The following GREB1L variants were observed in gnomAD, a reference collection of about 807,000 sequenced individuals.
The protein encoded by GREB1L is GREB1-like protein.
GREB1L carries 17 observed loss-of-function variants against 200.8 expected under a neutral mutation model. The ratio of observed to expected loss-of-function variants is 0.08; its 90% CI spans 0.06 to 0.13. The LOEUF (loss-of-function observed/expected upper bound fraction) is 0.13. Among genes scored for constraint, GREB1L ranks in the 10% least tolerant of loss-of-function variants. GREB1L has a pLI of 1.00. For synonymous variants in GREB1L, 789 were observed against 893.0 expected (o/e 0.88, Z 2.08); for missense variants, 1,657 against 2,367.7 (o/e 0.70, Z 6.23).
At chr18:21,371,597 C>T (rs1317790798) in intron 2 of GREB1L, among the ~76,000 whole-genome samples, 1 of 151,552 alleles carries the variant, frequency 6.6e-6, no homozygotes, top group Non-Finnish European at 1.5e-5. Flanking sequence ...ACCATCCTGG[C>T]TTACATGGTG....
At chr18:21,423,949 T>G (rs2032366554) in intron 7 of GREB1L, among the ~76,000 whole-genome samples, 1 of 152,222 alleles carries the variant, frequency 6.6e-6, no homozygotes, top group Non-Finnish European at 1.5e-5. Context: ...TTATACGTTC[T>G]TGCACTTCTG....
At chr18:21,359,455 AAAAT>A (rs1017943502) in intron 1 of GREB1L, among the ~76,000 whole-genome samples, 3 of 152,234 alleles carry the variant, frequency 2.0e-5, no homozygotes, top group East Asian at 1.9e-4. Flanking sequence ...ATCTCAAAAA[AAAAT>A]AAATAAATAA....
At position 21,481,855 on chromosome 18, in the gene GREB1L, TCCA is replaced by T. The variant is rs2035935232; in HGVS notation, c.2557-3760_2557-3758del. The stretch of plus-strand genomic sequence containing the variant: ...CTGTGTGTGTGTTACATTATATGAC[TCCA>T]CCACAATTCATGTATCCATCCTATT... On this transcript the variant is annotated intron_variant, in intron 17 of 32. Coordinates refer to ENST00000424526, the MANE Select transcript of GREB1L (RefSeq NM_001142966.3). Among the ~76,000 whole-genome samples, 6 of 152,324 alleles carry T rather than the reference TCCA, an allele frequency of 3.9e-5. 1 individual carries two copies. In the South Asian group the frequency reaches 1.2e-3, roughly 32 times the overall value.
chr18:21,508,717 A>C (rs1180432901), intron 27 of GREB1L, 126 bp downstream of exon 27: 1 of 573,344 alleles, frequency 1.7e-6, no homozygotes, highest in Admixed American at 3.6e-5. Context: ...ACTCTTCGGA[A>C]AAAAAAAAAA....
chr18:21,255,273 A>G (rs2037783722), intron 1 of GREB1L, among the ~76,000 whole-genome samples: 1 of 152,148 alleles, frequency 6.6e-6, no homozygotes, highest in South Asian at 2.1e-4. Flanking sequence ...TCACTTTCTT[A>G]GAAAGTTCTC....
intron 1 of GREB1L, among the ~76,000 whole-genome samples, chr18:21,360,069 T>C (rs1444407318): frequency 1.3e-5 from 2 of 152,216 alleles, no homozygotes; most frequent in African/African-American, 4.8e-5. Context: ...ATGGAAGAAA[T>C]ATAACTTTTA....
intron 15 of GREB1L, chr18:21,469,014 TG>T: frequency 3.9e-6 from 1 of 256,306 alleles, no homozygotes; most frequent in Non-Finnish European, 7.8e-6. Flanking sequence ...AAGGTATGTC[TG>T]CCAAGTTTCT....
chr18:21,305,102 A>T (rs1262039709), intron 1 of GREB1L, among the ~76,000 whole-genome samples: 1 of 151,826 alleles, frequency 6.6e-6, no homozygotes, highest in Admixed American at 6.6e-5. Context: ...CAGCCTCCCG[A>T]GTAGCTGGGA....
intron 1 of GREB1L, among the ~76,000 whole-genome samples, chr18:21,243,927 C>T (rs1422601301): frequency 6.6e-6 from 1 of 152,192 alleles, no homozygotes; most frequent in Non-Finnish European, 1.5e-5. Flanking sequence ...CTTCATCCTT[C>T]TCAGAGGCAG....
rs543665108 is a variant in GREB1L, at chr18:21,400,979, A to C, written c.533-171A>C. Among the ~76,000 whole-genome samples, 4 of 152,290 alleles carry C rather than the reference A, an allele frequency of 2.6e-5. No homozygotes were observed. The South Asian group carries it at 8.3e-4, about 32-fold the overall frequency. On this transcript the variant is annotated intron_variant, in intron 5 of 32. Transcript: ENST00000424526. Reference sequence around the variant, plus strand: ...ATTATTTCCAGTCTTTCACTGTTATAAAATAACTCTGCTAAAGAAACATGT... The same window carrying C: ...ATTATTTCCAGTCTTTCACTGTTATCAAATAACTCTGCTAAAGAAACATGT...
At chr18:21,350,584 GTTGAGTTGGCATA>G (rs1490674111) in intron 1 of GREB1L, among the ~76,000 whole-genome samples, 2 of 152,062 alleles carry the variant, frequency 1.3e-5, no homozygotes, top group African/African-American at 4.8e-5. Context: ...TTTTGAACAT[GTTGAGTTGGCATA>G]TTGAGTTTGA....
chr18:21,386,593 CT>C (rs35010034), intron 4 of GREB1L, among the ~76,000 whole-genome samples: 1,405 of 115,096 alleles, frequency 0.012, 4 homozygotes, highest in African/African-American at 0.036. Flanking sequence ...TGGCCAGTAG[CT>C]TTTTTTTTTT....
At chr18:21,398,884 T>C (rs2041194763) in intron 5 of GREB1L, among the ~76,000 whole-genome samples, 1 of 152,140 alleles carries the variant, frequency 6.6e-6, no homozygotes, top group Non-Finnish European at 1.5e-5. Flanking sequence ...GTGGTGTTAT[T>C]TTTTGTTTTC....
intron 23 of GREB1L, among the ~76,000 whole-genome samples, chr18:21,504,801 G>A (rs2036945357): frequency 6.6e-6 from 1 of 152,192 alleles, no homozygotes; most frequent in Non-Finnish European, 1.5e-5. Context: ...GGGACTCAGG[G>A]TTAAGTACAG....
chr18:21,397,852 C>T (rs1354313100), intron 5 of GREB1L, among the ~76,000 whole-genome samples: 1 of 152,180 alleles, frequency 6.6e-6, no homozygotes, highest in East Asian at 1.9e-4. Flanking sequence ...TCAGGATGTA[C>T]TGTGTGACAG....
At chr18:21,458,064 GT>G (rs1456163143) in intron 15 of GREB1L, among the ~76,000 whole-genome samples, 1 of 151,606 alleles carries the variant, frequency 6.6e-6, no homozygotes, top group Non-Finnish European at 1.5e-5. Flanking sequence ...CACCTCCCGG[GT>G]TCAAGCGATT....
chr18:21,489,588 G>A (rs1402787702), intron 18 of GREB1L, among the ~76,000 whole-genome samples: 6 of 152,094 alleles, frequency 3.9e-5, no homozygotes, highest in African/African-American at 1.2e-4. Context: ...TGACTATGCT[G>A]GCAATGAATG....
chr18:21,353,961 T>C (rs2039470236), intron 1 of GREB1L, among the ~76,000 whole-genome samples: 1 of 152,096 alleles, frequency 6.6e-6, no homozygotes, highest in Non-Finnish European at 1.5e-5. Context: ...AATTTTTTTG[T>C]ATTTTTTGGT....
At chr18:21,314,561 A>G (rs1232149481) in intron 1 of GREB1L, among the ~76,000 whole-genome samples, 1 of 152,196 alleles carries the variant, frequency 6.6e-6, no homozygotes, top group Non-Finnish European at 1.5e-5. Context: ...GAAATGGGGA[A>G]GAAGAACTTA....
Sources: gnomAD v4.1 joint callset for allele counts (sites outside exome capture counted in the v4.1 genomes callset) on GRCh38, gnomAD v4.1.1 for gene constraint, MANE v1.5 for transcripts, NCBI Gene and HGNC (gene_info 2026-07-23, HGNC 2026-07-21) for gene names.